Variants in MEGF6 observed in about 807,000 individuals in gnomAD.
The protein encoded by MEGF6 is multiple epidermal growth factor-like domains protein 6.
Under a neutral mutation model 207.1 loss-of-function variants are expected in MEGF6, and 184 were observed. The ratio of observed to expected loss-of-function variants is 0.89; its 90% CI spans 0.79 to 1.00. The LOEUF (loss-of-function observed/expected upper bound fraction) is 1.00. MEGF6 is among the 50% of genes least tolerant of loss of function. The pLI is 0.00. For missense variants in MEGF6, 2,282 were observed against 2,202.9 expected, an observed-to-expected ratio of 1.04 and a Z score of -0.72; for synonymous variants, 1,038 against 910.0, an observed-to-expected ratio of 1.14 and a Z score of -2.53.
At chr1:3,559,337 A>T (rs1643122898) in intron 4 of MEGF6, among the ~76,000 whole-genome samples, 1 of 152,150 alleles carries the variant, frequency 6.6e-6, no homozygotes, top group Non-Finnish European at 1.5e-5. Flanking sequence ...TCACACCACT[A>T]GGAACCTCGA....
chr1:3,497,861 G>A (rs1342356212), intron 26 of MEGF6, among the ~76,000 whole-genome samples: 9 of 152,318 alleles, frequency 5.9e-5, no homozygotes, highest in African/African-American at 1.9e-4. Flanking sequence ...TCTGCTGGAA[G>A]GGGGGCTCGT....
At position 3,498,689 on chromosome 1, in the gene MEGF6, A is replaced by G; in HGVS notation, c.3223+9T>C. The stretch of plus-strand genomic sequence containing the variant: ...GGGGTATGTCCCTCCTCTGCCGCCC[A>G]GCGCTCACCCTTCTCACAGGCCAGG... On this transcript the variant is annotated intron_variant, in intron 25 of 36. Transcript: ENST00000356575. 6.4e-7 allele frequency: 1 copy of G among 1,556,018 alleles called. No homozygotes were observed. The highest frequency in any genetic ancestry group is 8.7e-7 in the Non-Finnish European group (1 of 1,152,340).
chr1:3,582,078 G>A (rs372163382), intron 3 of MEGF6, among the ~76,000 whole-genome samples: 5 of 152,200 alleles, frequency 3.3e-5, no homozygotes, highest in Non-Finnish European at 1.5e-5. Flanking sequence ...CTCTGCCGGC[G>A]GAGAGGGGCA....
intron 2 of MEGF6, among the ~76,000 whole-genome samples, chr1:3,596,082 G>C (rs976845632): frequency 6.6e-6 from 1 of 152,098 alleles, no homozygotes; most frequent in Non-Finnish European, 1.5e-5. Flanking sequence ...AGCAGTTAGG[G>C]GAGCAGCAGG....
chr1:3,507,760 G>A (rs1641168545), intron 14 of MEGF6, 35 bp downstream of exon 14: 1 of 1,612,448 alleles, frequency 6.2e-7, no homozygotes, highest in East Asian at 2.2e-5. Context: ...CAGCCCAGGG[G>A]TAATTCCAGA....
intron 26 of MEGF6, among the ~76,000 whole-genome samples, 194 bp downstream of exon 26, chr1:3,498,177 C>T (rs1019830262): frequency 1.3e-5 from 2 of 152,180 alleles, no homozygotes; most frequent in East Asian, 1.9e-4. Flanking sequence ...GCACTCTGTC[C>T]CCACAGGCCA....
At chr1:3,555,376 C>T (rs1463246907) in intron 4 of MEGF6, among the ~76,000 whole-genome samples, 2 of 152,162 alleles carry the variant, frequency 1.3e-5, no homozygotes, top group Non-Finnish European at 2.9e-5. Flanking sequence ...GGCCTCAGGC[C>T]GCTGGGTGTG....
intron 4 of MEGF6, among the ~76,000 whole-genome samples, chr1:3,557,840 G>A (rs988645030): frequency 5.9e-5 from 9 of 152,226 alleles, no homozygotes; most frequent in East Asian, 5.8e-4. Flanking sequence ...AGGGAAAACC[G>A]TCTAATCTAT....
At chr1:3,505,649 C>A in intron 15 of MEGF6, 93 bp from the exon 16 acceptor site, 2 of 1,431,714 alleles carry the variant, frequency 1.4e-6, no homozygotes, top group Non-Finnish European at 1.8e-6. Flanking sequence ...GGACGACAGC[C>A]AAGATCATGT....
chr1:3,554,364 A>G (rs1051986345), intron 4 of MEGF6, among the ~76,000 whole-genome samples: 1 of 151,414 alleles, frequency 6.6e-6, no homozygotes, highest in Non-Finnish European at 1.5e-5. Context: ...AGGGGTGGGG[A>G]CCCAGCCGGG....
At chr1:3,515,302 TG>T in intron 6 of MEGF6, 99 bp downstream of exon 6, 1 of 1,401,702 alleles carries the variant, frequency 7.1e-7, no homozygotes, top group Non-Finnish European at 9.7e-7. Flanking sequence ...TCAGCAGCCT[TG>T]GGGGCCTCCT....
intron 3 of MEGF6, among the ~76,000 whole-genome samples, chr1:3,581,673 C>A (rs1033080723): frequency 6.6e-6 from 1 of 152,224 alleles, no homozygotes; most frequent in Non-Finnish European, 1.5e-5. Flanking sequence ...ATAGCCAAGA[C>A]CAATCACCCC....
chr1:3,531,070 C>T (rs1037423585), intron 4 of MEGF6: 3 of 1,516,078 alleles, frequency 2.0e-6, no homozygotes, highest in Admixed American at 2.1e-5. Flanking sequence ...CAGGCTCGCC[C>T]GGCGCCCACC....
At chr1:3,593,048 C>T (rs993650447) in intron 3 of MEGF6, among the ~76,000 whole-genome samples, 2 of 152,154 alleles carry the variant, frequency 1.3e-5, no homozygotes, top group East Asian at 1.9e-4. Context: ...AGAGCCACCA[C>T]GTTCTTCTAA....
chr1:3,495,829 G>A (rs183821046), intron 30 of MEGF6, 61 bp downstream of exon 30: 28 of 1,567,202 alleles, frequency 1.8e-5, no homozygotes, highest in African/African-American at 1.6e-4. Context: ...TGTCCCCACG[G>A]CTAATCCAGT....
At chr1:3,598,832 C>A (rs2794328) in intron 2 of MEGF6, among the ~76,000 whole-genome samples, 127,749 of 151,690 alleles carry the variant, frequency 0.84, 54,369 homozygotes, top group East Asian at 0.98. Flanking sequence ...CAGCTCCACC[C>A]TCAGAGCCCC....
intron 17 of MEGF6, among the ~76,000 whole-genome samples, chr1:3,503,380 G>T (rs1207980908): frequency 1.3e-5 from 2 of 152,194 alleles, no homozygotes; most frequent in African/African-American, 4.8e-5. Context: ...TTTATAAAGA[G>T]TGTTGATCTT....
rs148029433 is a variant in MEGF6 at position 3,489,274 on chromosome 1, G to C, written c.*1254C>G. ...CACTGGACTCCTCCTCCTCCTGCTG[G>C]TGAAATTGTCTGCCCTGGGGCCTCA... On this transcript the variant is annotated 3_prime_UTR_variant, in exon 37 of 37. Transcript: ENST00000356575. Among the ~76,000 whole-genome samples the C allele has an allele frequency of 2.7e-3, 417 of 152,322 alleles. 4 individuals carry two copies. Among genetic ancestry groups the C allele is most frequent in the African/African-American group, 9.4e-3 (392 of 41,580 alleles).
rs1644025205 is a variant in MEGF6, at chr1:3,594,309, G to A, written c.376+1029C>T. Among the ~76,000 whole-genome samples, 1 of 152,180 alleles carries A rather than the reference G, an allele frequency of 6.6e-6. No homozygotes were observed. Among genetic ancestry groups the A allele is most frequent in the Non-Finnish European group, 1.5e-5 (1 of 68,038 alleles). On this transcript the variant is annotated intron_variant, in intron 3 of 36. Coordinates refer to ENST00000356575, the MANE Select transcript of MEGF6 (RefSeq NM_001409.4). The surrounding 1 kb of genome is among the most constrained non-coding windows in gnomAD (Gnocchi z 4.2). Reference sequence around the variant, plus strand: ...TCAAGCGTGGTGGTGCACACCTACAGTCTCAGCCACTCGGGAGGCTGAGGT... The same window carrying A: ...TCAAGCGTGGTGGTGCACACCTACAATCTCAGCCACTCGGGAGGCTGAGGT...
Sources: gnomAD v4.1 joint callset for allele counts (sites outside exome capture counted in the v4.1 genomes callset) on GRCh38, gnomAD v4.1.1 for gene constraint, Gnocchi (gnomAD v3.1) non-coding constraint, MANE v1.5 for transcripts, NCBI Gene and HGNC (gene_info 2026-07-23, HGNC 2026-07-21) for gene names.